SIK3: variants seen among roughly 807,000 people sequenced by gnomAD.
The protein encoded by SIK3 is SIK family kinase 3, also known as serine/threonine-protein kinase SIK3.
A neutral mutation model predicts 144.2 loss-of-function variants in SIK3; 28 were observed. The ratio of observed to expected loss-of-function variants is 0.19; its 90% CI spans 0.14 to 0.27. SIK3 has a LOEUF of 0.27. Ranked by LOEUF, SIK3 falls within the 10% of genes least tolerant of loss-of-function variation. The probability of loss-of-function intolerance (pLI) is 1.00; values close to 1 mark genes in which losing one functional copy is unlikely to be tolerated. For missense variants in SIK3, 1,319 were observed against 1,776.0 expected, an observed-to-expected ratio of 0.74 and a Z score of 4.62; for synonymous variants, 686 against 676.3, an observed-to-expected ratio of 1.01 and a Z score of -0.22.
chr11:116,988,856 G>A (rs1486474094), intron 1 of SIK3, among the ~76,000 whole-genome samples: 1 of 150,898 alleles, frequency 6.6e-6, no homozygotes. Flanking sequence ...AGAGTTTTAT[G>A]GAGAGGAGTA....
intron 19 of SIK3, among the ~76,000 whole-genome samples, chr11:116,860,181 T>A (rs1199422531): frequency 1.3e-5 from 2 of 151,082 alleles, no homozygotes; most frequent in Non-Finnish European, 3.0e-5. Context: ...GAGGTGGAGG[T>A]TGCAGTGAGC....
chr11:116,891,555 G>A (rs1722774182), intron 6 of SIK3, among the ~76,000 whole-genome samples: 1 of 152,186 alleles, frequency 6.6e-6, no homozygotes, highest in Admixed American at 6.5e-5. Context: ...ATGTTTGTAA[G>A]CCAATGCTTT....
chr11:116,886,254 T>C (rs1311211641), intron 6 of SIK3, among the ~76,000 whole-genome samples: 1 of 152,240 alleles, frequency 6.6e-6, no homozygotes, highest in Non-Finnish European at 1.5e-5. Context: ...TAGATTTTTC[T>C]CTCTGGCGGT....
chr11:117,032,802 G>A (rs1467153451), intron 1 of SIK3, among the ~76,000 whole-genome samples: 2 of 151,262 alleles, frequency 1.3e-5, no homozygotes, highest in Non-Finnish European at 2.9e-5. Context: ...TTTATCTGTT[G>A]GTTATTTCCA....
At chr11:116,918,615 T>C (rs1339833699) in intron 4 of SIK3, among the ~76,000 whole-genome samples, 1 of 152,206 alleles carries the variant, frequency 6.6e-6, no homozygotes, top group Non-Finnish European at 1.5e-5. Flanking sequence ...GAATCTATGG[T>C]TGAGCATCAA....
chr11:117,027,497 C>A (rs920606212), intron 1 of SIK3, among the ~76,000 whole-genome samples: 1 of 151,470 alleles, frequency 6.6e-6, no homozygotes, highest in Non-Finnish European at 1.5e-5. Context: ...TCACTCTTGT[C>A]GCCCAGGCTG....
At chr11:116,930,321 GC>G (rs1182327433) in intron 3 of SIK3, among the ~76,000 whole-genome samples, 9 of 152,132 alleles carry the variant, frequency 5.9e-5, no homozygotes, top group African/African-American at 2.2e-4. Context: ...GTGCCAGGAA[GC>G]CAGCAGCCTG....
chr11:117,086,557 G>C (rs1274360828), intron 1 of SIK3, among the ~76,000 whole-genome samples: 4 of 151,966 alleles, frequency 2.6e-5, no homozygotes, highest in Non-Finnish European at 5.9e-5. Flanking sequence ...CGGGTGTGGT[G>C]GTGGGCGCCC....
chr11:116,876,102 C>G, intron 8 of SIK3, 93 bp from the exon 9 acceptor site: 1 of 1,534,690 alleles, frequency 6.5e-7, no homozygotes, highest in Non-Finnish European at 8.9e-7. Context: ...GCCAAAGCAC[C>G]TTCTTTCCTT....
intron 1 of SIK3, chr11:117,015,820 CA>C (rs1951499941): frequency 1.3e-5 from 2 of 152,240 alleles, no homozygotes; most frequent in East Asian, 3.9e-4. Context: ...CCGCCCACCT[CA>C]GCCTCCCAAA....
intron 4 of SIK3, among the ~76,000 whole-genome samples, chr11:116,918,304 C>CCTCTTACA (rs1946777070): frequency 6.6e-6 from 1 of 152,138 alleles, no homozygotes; most frequent in Non-Finnish European, 1.5e-5. Context: ...TGCCATCCAC[C>CCTCTTACA]CTCTTACACT....
At chr11:117,060,058 T>C (rs1443340880) in intron 1 of SIK3, among the ~76,000 whole-genome samples, 5 of 152,232 alleles carry the variant, frequency 3.3e-5, no homozygotes, top group Non-Finnish European at 7.3e-5. Context: ...CAGATGTTTA[T>C]AGCAGCTTTA....
intron 1 of SIK3, among the ~76,000 whole-genome samples, chr11:117,048,557 G>A (rs12280172): frequency 0.072 from 10,956 of 152,126 alleles, 479 homozygotes; most frequent in Middle Eastern, 0.11. Context: ...TCGGGAGGCC[G>A]AGGCAGGAGA....
intron 4 of SIK3, among the ~76,000 whole-genome samples, chr11:116,907,237 T>C (rs2134900025): frequency 6.6e-6 from 1 of 152,364 alleles, no homozygotes; most frequent in African/African-American, 2.4e-5. Flanking sequence ...ATGAATCAGA[T>C]GCAGCCTATA....
intron 1 of SIK3, among the ~76,000 whole-genome samples, chr11:117,068,081 A>G (rs1311049121): frequency 6.6e-6 from 1 of 152,244 alleles, no homozygotes. Flanking sequence ...TATGTTAAAA[A>G]GAATGTAAAG....
intron 1 of SIK3, among the ~76,000 whole-genome samples, chr11:117,017,311 G>A (rs1403989393): frequency 6.6e-6 from 1 of 152,138 alleles, no homozygotes; most frequent in Non-Finnish European, 1.5e-5. Context: ...AAGTTAGCAT[G>A]TTGATTGGAC....
chr11:117,092,265 T>C (rs1955282434), intron 1 of SIK3, among the ~76,000 whole-genome samples: 1 of 152,130 alleles, frequency 6.6e-6, no homozygotes, highest in Non-Finnish European at 1.5e-5. Context: ...CATGGCATCA[T>C]GACCTTGTGT....
At chr11:116,922,508 C>T (rs1487469794) in intron 4 of SIK3, among the ~76,000 whole-genome samples, 1 of 151,834 alleles carries the variant, frequency 6.6e-6, no homozygotes, top group African/African-American at 2.4e-5. Context: ...GGGGAAGGGG[C>T]GGGCATGGTG....
chr11:117,061,978 G>A (rs1953815266), intron 1 of SIK3, among the ~76,000 whole-genome samples: 1 of 151,468 alleles, frequency 6.6e-6, no homozygotes, highest in Admixed American at 6.6e-5. Flanking sequence ...TTTCAAATAA[G>A]TGAGTAAATG....
Sources: gnomAD v4.1 joint callset for allele counts (sites outside exome capture counted in the v4.1 genomes callset) on GRCh38, gnomAD v4.1.1 for gene constraint, MANE v1.5 for transcripts, NCBI Gene and HGNC (gene_info 2026-07-23, HGNC 2026-07-21) for gene names.